The following UGGT1 variants were observed in gnomAD, a reference collection of about 807,000 sequenced individuals.
UGGT1 encodes the protein UDP-glucose glycoprotein glucosyltransferase 1.
In UGGT1, 107 loss-of-function variants were observed where a neutral mutation model predicts 203.9. The observed-to-expected ratio is 0.52, with a 90% CI of 0.45 to 0.62. UGGT1 has a LOEUF of 0.62. UGGT1 is among the 20% of genes least tolerant of loss of function. The probability of loss-of-function intolerance (pLI) is 0.00; values close to 1 mark genes in which losing one functional copy is unlikely to be tolerated. For missense variants in UGGT1, 1,673 were observed against 1,867.2 expected, an observed-to-expected ratio of 0.90 and a Z score of 1.92; for synonymous variants, 628 against 653.5, an observed-to-expected ratio of 0.96 and a Z score of 0.59.
At position 128,191,310 on chromosome 2, in the gene UGGT1, C is replaced by T. The variant is rs1692254393; in HGVS notation, c.*1568C>T. The T allele has an allele frequency of 6.6e-6, 1 of 152,132 alleles. No individual in the cohort carries two copies. Among genetic ancestry groups the T allele is most frequent in the African/African-American group, 2.4e-5 (1 of 41,448 alleles). The allele number at this position is 152,132 out of a possible 1,614,324, so 9.4% of individuals were successfully genotyped here. On this transcript the variant is annotated 3_prime_UTR_variant, in exon 41 of 41. Coordinates refer to ENST00000259253, the MANE Select transcript of UGGT1 (RefSeq NM_020120.4). ...TTCCATTTTCAAATGCAAAAGTTAG[C>T]CTAGGAAGCCTCCCAGTCATCCTGA...
intron 18 of UGGT1, among the ~76,000 whole-genome samples, chr2:128,148,003 T>TTTG (rs925757758): frequency 6.6e-6 from 1 of 152,194 alleles, no homozygotes; most frequent in Non-Finnish European, 1.5e-5. Flanking sequence ...TATGTTGTTC[T>TTTG]TTGTTGTTGT....
intron 18 of UGGT1, chr2:128,151,251 G>A: frequency 1.7e-6 from 1 of 597,972 alleles, no homozygotes; most frequent in Admixed American, 2.2e-5. Context: ...GTTTCTGCTT[G>A]AAAGTCTTAC....
chr2:128,142,404 T>C (rs531356399), intron 16 of UGGT1, among the ~76,000 whole-genome samples: 23 of 149,134 alleles, frequency 1.5e-4, no homozygotes, highest in Admixed American at 1.4e-3. Flanking sequence ...GCCAGTATGG[T>C]GAAACCCCGT....
At chr2:128,116,971 C>G (rs1688130939) in intron 8 of UGGT1, among the ~76,000 whole-genome samples, 1 of 151,912 alleles carries the variant, frequency 6.6e-6, no homozygotes, top group South Asian at 2.1e-4. Context: ...TTAATATTTT[C>G]CCAGGAAAAA....
chr2:128,094,774 A>G (rs1384413084), intron 1 of UGGT1, among the ~76,000 whole-genome samples: 4 of 107,376 alleles, frequency 3.7e-5, no homozygotes, highest in Admixed American at 2.9e-4. Context: ...TTTGAGACGG[A>G]GTCTCTCTCT....
chr2:128,161,061 G>A (rs569538335), intron 24 of UGGT1, 77 bp from the exon 25 acceptor site: 160 of 1,562,832 alleles, frequency 1.0e-4, no homozygotes, highest in Middle Eastern at 5.4e-4. Flanking sequence ...GCCTGAGGAC[G>A]CCAGAGGGTT....
In UGGT1 at chr2:128,132,929, ACTC is replaced by A. The variant is rs570568989; in HGVS notation, c.1378-209_1378-207del. On this transcript the variant is annotated intron_variant, in intron 13 of 40. Coordinates refer to ENST00000259253, the MANE Select transcript of UGGT1 (RefSeq NM_020120.4). ...ATAATATTGCCCAGGCTGGTCTTGA[ACTC>A]CTGGGCTCAAGTGATCCTCCTGCCT... Among the ~76,000 whole-genome samples the A allele has an allele frequency of 2.4e-4, 37 of 151,216 alleles. 1 individual carries two copies. The highest frequency in any genetic ancestry group is 2.0e-3 in the Admixed American group (31 of 15,180).
rs1022398222 is a variant in UGGT1, at chr2:128,194,785, A to G, written c.*5043A>G. 6.6e-6 allele frequency: 1 copy of G among 152,198 alleles called. No individual in the cohort carries two copies. Among genetic ancestry groups the G allele is most frequent in the Non-Finnish European group, 1.5e-5 (1 of 68,038 alleles). The allele number at this position is 152,198 out of a possible 1,614,324, so 9.4% of individuals were successfully genotyped here. A position where few individuals can be genotyped will look rare whatever the true frequency, so the allele number is the denominator to read the frequency against. On this transcript the variant is annotated 3_prime_UTR_variant, in exon 41 of 41. Coordinates refer to ENST00000259253, the MANE Select transcript of UGGT1 (RefSeq NM_020120.4). Reference sequence around the variant, plus strand: ...ATTGAATTCAAGCAAATGAGACATCATGAACTTCAGTGGTTATTGATATTT... The same window carrying G: ...ATTGAATTCAAGCAAATGAGACATCGTGAACTTCAGTGGTTATTGATATTT...
chr2:128,170,187 A>C (rs2104777528), intron 26 of UGGT1, 101 bp from the exon 27 acceptor site: 1 of 896,372 alleles, frequency 1.1e-6, no homozygotes, highest in East Asian at 2.6e-5. Context: ...CTAGATCTAA[A>C]GTTCTTTGAA....
chr2:128,169,662 A>C (rs778652605), intron 26 of UGGT1, among the ~76,000 whole-genome samples: 36 of 152,224 alleles, frequency 2.4e-4, no homozygotes, highest in Non-Finnish European at 4.7e-4. Context: ...AGCTGGAGTA[A>C]ACTCTGACAG....
intron 15 of UGGT1, among the ~76,000 whole-genome samples, chr2:128,136,423 A>G (rs1042829890): frequency 1.6e-5 from 2 of 124,608 alleles, no homozygotes; most frequent in African/African-American, 2.9e-5. Flanking sequence ...TACTGTCTTC[A>G]TAGTTTTGCA....
intron 2 of UGGT1, among the ~76,000 whole-genome samples, chr2:128,100,552 A>G (rs1687330683): frequency 6.7e-6 from 1 of 149,778 alleles, no homozygotes; most frequent in African/African-American, 2.5e-5. Flanking sequence ...GATTACAGGC[A>G]TGCACCACCA....
chr2:128,114,450 A>G (rs1688003441), intron 6 of UGGT1, among the ~76,000 whole-genome samples: 1 of 152,122 alleles, frequency 6.6e-6, no homozygotes, highest in Admixed American at 6.5e-5. Context: ...GTACAAGCAG[A>G]AAGTTTTATT....
At chr2:128,108,339 C>T (rs1687698127) in intron 4 of UGGT1, among the ~76,000 whole-genome samples, 1 of 152,086 alleles carries the variant, frequency 6.6e-6, no homozygotes, top group Admixed American at 6.6e-5. Flanking sequence ...TCTTGTTAAA[C>T]CAATGAGCCA....
intron 18 of UGGT1, 68 bp downstream of exon 18, chr2:128,146,035 G>A (rs1689675529): frequency 1.9e-6 from 3 of 1,565,142 alleles, no homozygotes. Flanking sequence ...TGCCTCTATA[G>A]TAGGCAGTAA....
Position 128,103,828 on chromosome 2 carries a change from T to G in UGGT1, c.195-104T>G, listed in dbSNP as rs1037451233. ...ATATATTATAGATTAAAAGTCAAAC[T>G]ATGGACATTTGGAAACTTCAAAACT... On this transcript the variant is annotated intron_variant, in intron 2 of 40. Coordinates refer to ENST00000259253, the MANE Select transcript of UGGT1 (RefSeq NM_020120.4). 4 of 687,418 alleles carry G rather than the reference T, an allele frequency of 5.8e-6. No homozygotes were observed. In the African/African-American group the frequency reaches 7.6e-5, roughly 13 times the overall value. 42.6% of individuals were successfully genotyped at this position (687,418 alleles called of 1,614,324 possible).
intron 6 of UGGT1, among the ~76,000 whole-genome samples, chr2:128,114,674 GCT>G (rs1248898676): frequency 6.6e-6 from 1 of 152,140 alleles, no homozygotes; most frequent in Non-Finnish European, 1.5e-5. Flanking sequence ...TTTCAACCCT[GCT>G]CTGTAGGTTC....
At chr2:128,170,441 A>G in intron 27 of UGGT1, 51 bp downstream of exon 27, 21 of 1,515,504 alleles carry the variant, frequency 1.4e-5, no homozygotes, top group Non-Finnish European at 1.7e-5. Flanking sequence ...AAGTTGTCAC[A>G]TGCTCTGAAA....
intron 15 of UGGT1, among the ~76,000 whole-genome samples, chr2:128,137,197 G>A (rs1434143350): frequency 6.6e-6 from 1 of 152,120 alleles, no homozygotes; most frequent in African/African-American, 2.4e-5. Context: ...TGGGAGGATC[G>A]CTTGAGGCCA....
Sources: allele counts gnomAD v4.1 joint callset (sites outside exome capture counted in the v4.1 genomes callset), GRCh38; gene constraint gnomAD v4.1.1; transcripts MANE v1.5; gene names NCBI Gene and HGNC (gene_info 2026-07-23, HGNC 2026-07-21).